FBXL17: variants seen among roughly 807,000 people sequenced by gnomAD.
The protein encoded by FBXL17 is F-box and leucine rich repeat protein 17.
FBXL17 carries 22 observed loss-of-function variants against 66.2 expected under a neutral mutation model. That is an observed-to-expected ratio of 0.33 (90% CI 0.24 to 0.47). The LOEUF (loss-of-function observed/expected upper bound fraction) is 0.47. Among genes scored for constraint, FBXL17 ranks in the 20% least tolerant of loss-of-function variants. The probability of loss-of-function intolerance (pLI) is 1.00; values close to 1 mark genes in which losing one functional copy is unlikely to be tolerated. For synonymous variants in FBXL17, 474 were observed against 400.5 expected, an observed-to-expected ratio of 1.18 and a Z score of -2.19; for missense variants, 878 against 948.2, an observed-to-expected ratio of 0.93 and a Z score of 0.97.
At chr5:108,137,881 C>T (rs967363876) in intron 6 of FBXL17, among the ~76,000 whole-genome samples, 2 of 152,166 alleles carry the variant, frequency 1.3e-5, no homozygotes, top group Non-Finnish European at 1.5e-5. Context: ...AATACATTAT[C>T]TATGCCTAGA....
chr5:108,286,102 TA>T (rs1433394097), intron 4 of FBXL17, among the ~76,000 whole-genome samples: 5 of 152,060 alleles, frequency 3.3e-5, no homozygotes, highest in Admixed American at 3.3e-4. Flanking sequence ...CCCTTCATGT[TA>T]AAAACCCTCA....
intron 6 of FBXL17, among the ~76,000 whole-genome samples, chr5:108,024,185 G>A (rs1754707283): frequency 6.6e-6 from 1 of 151,970 alleles, no homozygotes; most frequent in Non-Finnish European, 1.5e-5. Flanking sequence ...TATAAAATTT[G>A]GAAAAAGAAC....
chr5:107,925,063 T>C (rs1457138912), intron 7 of FBXL17, among the ~76,000 whole-genome samples: 1 of 152,150 alleles, frequency 6.6e-6, no homozygotes, highest in Non-Finnish European at 1.5e-5. Context: ...CTTCAGCAAC[T>C]AAAAAAACAG....
intron 7 of FBXL17, among the ~76,000 whole-genome samples, chr5:107,976,778 T>C (rs77931298): frequency 3.9e-5 from 6 of 152,268 alleles, no homozygotes; most frequent in African/African-American, 1.4e-4. Flanking sequence ...ATAACATATA[T>C]AACAGACTTC....
In FBXL17 at chr5:108,380,795, G is replaced by C; in HGVS notation, c.897C>G (p.Asp299Glu). 1 of 1,248,034 alleles carries C rather than the reference G, an allele frequency of 8.0e-7. No individual in the cohort carries two copies. The highest frequency in any genetic ancestry group is 1.0e-6 in the Non-Finnish European group (1 of 987,948). 77.3% of individuals were successfully genotyped at this position (1,248,034 alleles called of 1,614,324 possible). A position where few individuals can be genotyped will look rare whatever the true frequency, so the allele number is the denominator to read the frequency against. Residue 299 changes from aspartate (D) to glutamate (E), a missense_variant, in exon 1 of 9, where the codon GAC (aspartate) becomes GAG (glutamate). Physicochemically the swap from Asp to Glu is conservative, Grantham distance 45. Coordinates refer to ENST00000542267, the MANE Select transcript of FBXL17 (RefSeq NM_001163315.3). The part of the protein sequence containing the change: ...AQQQHECGDA[D>E]CRESPENPCD... ...AGGGGTTTTCGGGGGACTCCCGACA[G>C]TCCGCGTCGCCACATTCATGCTGCT...
intron 7 of FBXL17, among the ~76,000 whole-genome samples, chr5:107,935,069 T>C (rs1159559059): frequency 7.3e-6 from 1 of 137,712 alleles, no homozygotes; most frequent in Non-Finnish European, 1.6e-5. Context: ...GTATCTTTTG[T>C]TTTTTTTTTG....
chr5:108,179,290 A>G (rs1425567901), intron 6 of FBXL17, among the ~76,000 whole-genome samples: 1 of 152,182 alleles, frequency 6.6e-6, no homozygotes, highest in Non-Finnish European at 1.5e-5. Flanking sequence ...AGAGAAGATC[A>G]GGGGAGTTAG....
intron 5 of FBXL17, among the ~76,000 whole-genome samples, chr5:108,205,519 C>T (rs1228141698): frequency 1.3e-5 from 2 of 152,156 alleles, no homozygotes; most frequent in Non-Finnish European, 2.9e-5. Context: ...CTCCACATCA[C>T]ATTTAGTTGT....
intron 5 of FBXL17, among the ~76,000 whole-genome samples, chr5:108,208,327 T>C (rs913543398): frequency 3.9e-5 from 6 of 152,210 alleles, no homozygotes; most frequent in African/African-American, 1.2e-4. Flanking sequence ...TAAATCCCAT[T>C]TGTCTATTTT....
intron 8 of FBXL17, chr5:107,878,540 C>T: frequency 1.1e-6 from 1 of 926,402 alleles, no homozygotes; most frequent in African/African-American, 1.8e-5. Flanking sequence ...AAGTGCAAAG[C>T]CCAGATCTGA....
At position 108,381,276 on chromosome 5, in the gene FBXL17, G is replaced by A; in HGVS notation, c.416C>T (p.Ser139Phe). The change falls in exon 1 of 9, where the codon TCC becomes TTC. Residue 139 changes from serine to phenylalanine, a missense_variant. This residue lies in a region of FBXL17 where 605 missense variants were observed against 509.5 expected (regional missense o/e 1.19). Coordinates refer to ENST00000542267, the MANE Select transcript of FBXL17 (RefSeq NM_001163315.3). ...AAAASASSPASCCKELGLAAA... is the reference protein window; with the variant it reads ...AAAASASSPAFCCKELGLAAA... The stretch of plus-strand genomic sequence containing the variant: ...AGCCAGCCCCAACTCTTTGCAGCAG[G>A]AGGCGGGCGACGAAGCCGAGGCGGC... The A allele has an allele frequency of 2.1e-6, 3 of 1,420,658 alleles. No homozygotes were observed. Among genetic ancestry groups the A allele is most frequent in the Admixed American group, 2.9e-5 (1 of 34,318 alleles). The allele number at this position is 1,420,658 out of a possible 1,614,324, so 88.0% of individuals were successfully genotyped here.
chr5:108,314,534 A>C (rs914114259), intron 4 of FBXL17, among the ~76,000 whole-genome samples: 1 of 151,500 alleles, frequency 6.6e-6, no homozygotes, highest in Non-Finnish European at 1.5e-5. Context: ...TTTAACTCTA[A>C]ATTTTGTATT....
intron 7 of FBXL17, among the ~76,000 whole-genome samples, chr5:107,892,926 C>A (rs1206992583): frequency 6.6e-6 from 1 of 152,182 alleles, no homozygotes; most frequent in Non-Finnish European, 1.5e-5. Flanking sequence ...GATTAGAATA[C>A]AGCAAATAAT....
At chr5:108,054,481 G>A (rs756465354) in intron 6 of FBXL17, among the ~76,000 whole-genome samples, 1 of 152,020 alleles carries the variant, frequency 6.6e-6, no homozygotes, top group Non-Finnish European at 1.5e-5. Context: ...GGGTATGTAT[G>A]GCAGATAGTT....
intron 4 of FBXL17, among the ~76,000 whole-genome samples, chr5:108,271,973 A>T (rs928112257): frequency 6.6e-6 from 1 of 152,150 alleles, no homozygotes; most frequent in Non-Finnish European, 1.5e-5. Flanking sequence ...GAGCTAATAC[A>T]CTGGTACAAT....
chr5:108,123,082 T>G (rs1436964860), intron 6 of FBXL17, among the ~76,000 whole-genome samples: 4 of 150,772 alleles, frequency 2.7e-5, no homozygotes, highest in African/African-American at 9.8e-5. Flanking sequence ...TTCTCCATAC[T>G]AGATCTTTTA....
At chr5:108,248,296 A>T (rs1034072680) in intron 4 of FBXL17, among the ~76,000 whole-genome samples, 3 of 152,216 alleles carry the variant, frequency 2.0e-5, no homozygotes, top group Non-Finnish European at 4.4e-5. Flanking sequence ...GAACTAAAAA[A>T]TACAATACAT....
At chr5:108,300,146 C>T (rs764124526) in intron 4 of FBXL17, among the ~76,000 whole-genome samples, 5 of 151,764 alleles carry the variant, frequency 3.3e-5, no homozygotes, top group African/African-American at 9.7e-5. Context: ...ATCTCTGACT[C>T]GAAAACTTTT....
At chr5:108,012,968 C>A (rs745481807) in intron 7 of FBXL17, among the ~76,000 whole-genome samples, 1 of 141,588 alleles carries the variant, frequency 7.1e-6, no homozygotes, top group African/African-American at 2.6e-5. Flanking sequence ...CAGCCAAGAT[C>A]GCACCATTGC....
Sources: allele counts gnomAD v4.1 joint callset (sites outside exome capture counted in the v4.1 genomes callset), GRCh38; gene constraint gnomAD v4.1.1; regional missense constraint gnomAD v4.1.1; transcripts MANE v1.5; gene names NCBI Gene and HGNC (gene_info 2026-07-23, HGNC 2026-07-21).